Variants in PCED1B observed in about 807,000 individuals in gnomAD.
PCED1B encodes the protein PC-esterase domain containing 1B.
For synonymous variants in PCED1B, 251 were observed against 246.1 expected (o/e 1.02, Z -0.19); for missense variants, 573 against 573.9 (o/e 1.00, Z 0.02).
Position 47,235,094 on chromosome 12 carries a change from C to T in PCED1B, c.31C>T (p.Gln11Ter). 3 of 1,529,360 alleles carry T rather than the reference C, an allele frequency of 2.0e-6. No individual in the cohort carries two copies. The highest frequency in any genetic ancestry group is 2.6e-6 in the Non-Finnish European group (3 of 1,139,894). 94.7% of individuals were successfully genotyped at this position (1,529,360 alleles called of 1,614,324 possible). ...CCTTCTGCGGGCCTCCGAAGTGCGG[C>T]AGCTGCTTCACAATAAGTTCGTGGT... MILLRASEVR[Q>*]LLHNKFVVIL... The change falls in exon 4 of 4, where the codon CAG becomes TAG. Residue 11 changes from glutamine (Q) to a stop codon, truncating the protein, a stop_gained. Transcript: ENST00000546455. LOFTEE classifies it low-confidence loss of function (END_TRUNC).
intron 2 of PCED1B, among the ~76,000 whole-genome samples, chr12:47,154,444 T>A (rs1941120031): frequency 6.6e-6 from 1 of 152,182 alleles, no homozygotes; most frequent in African/African-American, 2.4e-5. Flanking sequence ...ACCAACTTTA[T>A]GTTTCAGCCA....
At chr12:47,158,947 C>G (rs1384720407) in intron 2 of PCED1B, among the ~76,000 whole-genome samples, 1 of 152,144 alleles carries the variant, frequency 6.6e-6, no homozygotes. Flanking sequence ...TCTTTCTACT[C>G]TCTATCTCCA....
chr12:47,191,143 C>T (rs989682043), intron 2 of PCED1B, among the ~76,000 whole-genome samples: 7 of 152,264 alleles, frequency 4.6e-5, no homozygotes, highest in Non-Finnish European at 7.4e-5. Context: ...AAATGAACAT[C>T]TTACGATTTT....
chr12:47,133,867 T>C (rs1051043873), intron 2 of PCED1B, among the ~76,000 whole-genome samples: 1 of 152,194 alleles, frequency 6.6e-6, no homozygotes, highest in Non-Finnish European at 1.5e-5. Flanking sequence ...TCTAGCCTCA[T>C]GAATGGGATT....
At chr12:47,190,881 G>C (rs1489603219) in intron 2 of PCED1B, among the ~76,000 whole-genome samples, 1 of 152,154 alleles carries the variant, frequency 6.6e-6, no homozygotes, top group East Asian at 1.9e-4. Flanking sequence ...ATATGTGGGA[G>C]GTGAGATTCT....
intron 2 of PCED1B, among the ~76,000 whole-genome samples, chr12:47,166,911 C>T (rs1941562968): frequency 1.3e-5 from 2 of 151,928 alleles, no homozygotes; most frequent in Non-Finnish European, 2.9e-5. Context: ...ATACGTAACA[C>T]CAGAGTTTAT....
At chr12:47,215,328 A>G (rs1943221244) in intron 2 of PCED1B, among the ~76,000 whole-genome samples, 1 of 136,492 alleles carries the variant, frequency 7.3e-6, no homozygotes, top group Non-Finnish European at 1.6e-5. Context: ...ATTTTGGCTC[A>G]CTGCAACCTC....
chr12:47,116,239 T>A (rs955692658), intron 2 of PCED1B, among the ~76,000 whole-genome samples: 14 of 152,196 alleles, frequency 9.2e-5, no homozygotes, highest in Non-Finnish European at 1.8e-4. Context: ...TGATGAGCCT[T>A]GATTACAAAA....
intron 2 of PCED1B, among the ~76,000 whole-genome samples, chr12:47,180,626 A>G (rs1220194740): frequency 6.6e-6 from 1 of 152,254 alleles, no homozygotes; most frequent in Non-Finnish European, 1.5e-5. Flanking sequence ...GAGCTTCTGC[A>G]CCGCAAAAGA....
At chr12:47,084,277 T>C (rs1386911485) in intron 1 of PCED1B, among the ~76,000 whole-genome samples, 2 of 152,194 alleles carry the variant, frequency 1.3e-5, no homozygotes, top group Non-Finnish European at 2.9e-5. Flanking sequence ...ATTCATTGAA[T>C]ACTATACTGA....
intron 3 of PCED1B, among the ~76,000 whole-genome samples, chr12:47,233,220 G>C (rs764284354): frequency 6.6e-6 from 1 of 151,576 alleles, no homozygotes; most frequent in African/African-American, 2.4e-5. Flanking sequence ...TTTTTGGCAC[G>C]ATCTTGGCTC....
intron 2 of PCED1B, among the ~76,000 whole-genome samples, chr12:47,134,910 C>T (rs898356130): frequency 1.4e-4 from 22 of 152,166 alleles, no homozygotes; most frequent in African/African-American, 4.6e-4. Context: ...CATATATTTT[C>T]AATCTATTTT....
intron 2 of PCED1B, among the ~76,000 whole-genome samples, chr12:47,143,530 T>A (rs1940674216): frequency 6.6e-6 from 1 of 151,962 alleles, no homozygotes; most frequent in South Asian, 2.1e-4. Flanking sequence ...ACCAAGGAGA[T>A]GAAAGATCTG....
intron 2 of PCED1B, among the ~76,000 whole-genome samples, chr12:47,112,243 T>A (rs143652181): frequency 2.2e-3 from 329 of 152,370 alleles, no homozygotes; most frequent in African/African-American, 7.6e-3. Context: ...TCCCTATCTA[T>A]TATCCAAGGG....
At chr12:47,114,715 G>A (rs1353397970) in intron 2 of PCED1B, among the ~76,000 whole-genome samples, 1 of 152,218 alleles carries the variant, frequency 6.6e-6, no homozygotes, top group Non-Finnish European at 1.5e-5. Context: ...GAGCAGGAAT[G>A]AAGGTCCCCA....
At chr12:47,101,294 A>C (rs1326408671) in intron 1 of PCED1B, among the ~76,000 whole-genome samples, 1 of 152,140 alleles carries the variant, frequency 6.6e-6, no homozygotes, top group Non-Finnish European at 1.5e-5. Context: ...AGTGGGCAAG[A>C]GCACTGGTCC....
chr12:47,171,870 C>T (rs1222826998), intron 2 of PCED1B, among the ~76,000 whole-genome samples: 1 of 148,088 alleles, frequency 6.8e-6, no homozygotes, highest in Admixed American at 6.7e-5. Context: ...TCTTCTCCTT[C>T]TTCTTCTTTT....
intron 2 of PCED1B, among the ~76,000 whole-genome samples, chr12:47,120,960 A>G (rs1321299997): frequency 6.6e-6 from 1 of 152,208 alleles, no homozygotes; most frequent in Admixed American, 6.5e-5. Context: ...ATAAAGACAG[A>G]AGGTAGATTC....
At chr12:47,142,595 G>A (rs1353992200) in intron 2 of PCED1B, among the ~76,000 whole-genome samples, 1 of 151,746 alleles carries the variant, frequency 6.6e-6, no homozygotes, top group Non-Finnish European at 1.5e-5. Flanking sequence ...TAAACAAAAT[G>A]AGAAGTGTAA....
Sources: allele counts gnomAD v4.1 joint callset (sites outside exome capture counted in the v4.1 genomes callset), GRCh38; gene constraint gnomAD v4.1.1; transcripts MANE v1.5; gene names NCBI Gene and HGNC (gene_info 2026-07-23, HGNC 2026-07-21).